PLD1: variants seen among roughly 807,000 people sequenced by gnomAD.
The protein encoded by PLD1 is choline phosphatase 1.
PLD1 carries 112 observed loss-of-function variants against 137.1 expected under a neutral mutation model. The observed-to-expected ratio is 0.82, with a 90% confidence interval of 0.70 to 0.96. The LOEUF (loss-of-function observed/expected upper bound fraction) is 0.96. PLD1 is among the 40% of genes least tolerant of loss of function. The pLI, the probability that PLD1 is intolerant of heterozygous loss-of-function variation, is 0.00. For missense variants in PLD1, 1,321 were observed against 1,342.0 expected (o/e 0.98, Z 0.24); for synonymous variants, 431 against 454.7 (o/e 0.95, Z 0.66).
At chr3:171,788,427 T>C (rs1041100489) in intron 1 of PLD1, 13 of 152,228 alleles carry the variant, frequency 8.5e-5, no homozygotes, top group African/African-American at 3.1e-4. Context: ...TTTTCCTTAA[T>C]GCATGGGATT....
chr3:171,695,579 T>C (rs1243319685), intron 12 of PLD1, among the ~76,000 whole-genome samples: 11 of 152,236 alleles, frequency 7.2e-5, no homozygotes, highest in Non-Finnish European at 1.5e-5. Flanking sequence ...GCTTTAGATA[T>C]TCAAACTACA....
chr3:171,732,963 C>T (rs1308767023), intron 6 of PLD1, among the ~76,000 whole-genome samples: 2 of 152,186 alleles, frequency 1.3e-5, no homozygotes, highest in Non-Finnish European at 2.9e-5. Flanking sequence ...TAGCTTTTCT[C>T]ATGCTTCTCA....
chr3:171,685,361 T>C (rs1035435740), intron 16 of PLD1, among the ~76,000 whole-genome samples: 1 of 152,312 alleles, frequency 6.6e-6, no homozygotes, highest in African/African-American at 2.4e-5. Flanking sequence ...AACTCTCATC[T>C]GCTAAACAGG....
intron 1 of PLD1, among the ~76,000 whole-genome samples, chr3:171,805,412 T>G (rs1251227204): frequency 6.6e-6 from 1 of 152,192 alleles, no homozygotes; most frequent in Non-Finnish European, 1.5e-5. Context: ...TCTAGTATGG[T>G]CATAACAATT....
At chr3:171,683,882 T>A (rs1456741654) in intron 16 of PLD1, among the ~76,000 whole-genome samples, 2 of 152,228 alleles carry the variant, frequency 1.3e-5, no homozygotes, top group African/African-American at 4.8e-5. Context: ...TATTTTTGTA[T>A]CCCCAACTAC....
intron 1 of PLD1, among the ~76,000 whole-genome samples, chr3:171,804,480 CA>C (rs1203608867): frequency 6.6e-6 from 1 of 152,174 alleles, no homozygotes; most frequent in Admixed American, 6.5e-5. Context: ...TCATTCAGTT[CA>C]CATCTATTGT....
chr3:171,777,351 G>T (rs1175133818), intron 1 of PLD1, among the ~76,000 whole-genome samples: 1 of 152,176 alleles, frequency 6.6e-6, no homozygotes, highest in African/African-American at 2.4e-5. Context: ...ACACCCATCC[G>T]CTGTAGGAAA....
intron 21 of PLD1, chr3:171,654,116 C>A: frequency 5.6e-6 from 2 of 360,016 alleles, no homozygotes; most frequent in South Asian, 2.0e-5. Flanking sequence ...GCCTGGCCGA[C>A]ATGGTGAAAC....
chr3:171,725,013 C>A (rs1229223709), intron 7 of PLD1, among the ~76,000 whole-genome samples: 1 of 152,110 alleles, frequency 6.6e-6, no homozygotes, highest in East Asian at 1.9e-4. Flanking sequence ...GCATTCGGGG[C>A]AGTGTGATTC....
chr3:171,747,839 C>T (rs1451179938), intron 1 of PLD1, among the ~76,000 whole-genome samples: 3 of 152,104 alleles, frequency 2.0e-5, no homozygotes, highest in Non-Finnish European at 4.4e-5. Context: ...GTAAGGGTCA[C>T]CCAACAATCT....
At chr3:171,697,482 C>T (rs1715855465) in intron 12 of PLD1, among the ~76,000 whole-genome samples, 1 of 151,936 alleles carries the variant, frequency 6.6e-6, no homozygotes, top group South Asian at 2.1e-4. Flanking sequence ...CTTCCCCACA[C>T]CGCCCTGCCC....
chr3:171,678,446 C>T (rs1479545501), intron 16 of PLD1, among the ~76,000 whole-genome samples: 1 of 152,190 alleles, frequency 6.6e-6, no homozygotes, highest in Non-Finnish European at 1.5e-5. Context: ...TCTACTATAG[C>T]ATTTCACAAA....
chr3:171,722,275 A>G (rs1718185954), intron 8 of PLD1, among the ~76,000 whole-genome samples: 1 of 152,222 alleles, frequency 6.6e-6, no homozygotes, highest in Non-Finnish European at 1.5e-5. Flanking sequence ...TACGCTTACC[A>G]TGATAAACAT....
chr3:171,615,837 T>A (rs1168106926), intron 24 of PLD1, among the ~76,000 whole-genome samples: 3 of 152,214 alleles, frequency 2.0e-5, no homozygotes, highest in Non-Finnish European at 4.4e-5. Context: ...TGAGTATTTG[T>A]TTCTTGGTAT....
At chr3:171,786,096 C>A (rs182133904) in intron 1 of PLD1, among the ~76,000 whole-genome samples, 11 of 152,274 alleles carry the variant, frequency 7.2e-5, no homozygotes, top group Admixed American at 2.6e-4. Context: ...GGCCATCAGG[C>A]TCCCTTTATT....
chr3:171,621,111 T>C (rs967540222), intron 23 of PLD1, among the ~76,000 whole-genome samples: 1 of 152,132 alleles, frequency 6.6e-6, no homozygotes, highest in Non-Finnish European at 1.5e-5. Flanking sequence ...TCCCTTTAGA[T>C]CATTAAAATT....
At chr3:171,625,422 G>A (rs537009727) in intron 23 of PLD1, among the ~76,000 whole-genome samples, 2 of 152,364 alleles carry the variant, frequency 1.3e-5, no homozygotes, top group South Asian at 2.1e-4. Context: ...ACCTCTGGGG[G>A]CAGGGCACAG....
chr3:171,640,293 A>G (rs563530371), intron 23 of PLD1, among the ~76,000 whole-genome samples: 160 of 152,184 alleles, frequency 1.1e-3, no homozygotes, highest in Non-Finnish European at 1.9e-3. Flanking sequence ...TAAATAATAT[A>G]AATGTTTATA....
At chr3:171,773,583 CAG>C (rs897810780) in intron 1 of PLD1, among the ~76,000 whole-genome samples, 4 of 152,062 alleles carry the variant, frequency 2.6e-5, no homozygotes, top group African/African-American at 9.7e-5. Context: ...GCCTGGGCAA[CAG>C]AGCGAGACTC....
Sources: gnomAD v4.1 joint callset for allele counts (sites outside exome capture counted in the v4.1 genomes callset) on GRCh38, gnomAD v4.1.1 for gene constraint, MANE v1.5 for transcripts, NCBI Gene and HGNC (gene_info 2026-07-23, HGNC 2026-07-21) for gene names.